TPCN2: variants seen among roughly 807,000 people sequenced by gnomAD.
TPCN2 encodes two pore channel protein 2.
Under a neutral mutation model 111.4 loss-of-function variants are expected in TPCN2, and 92 were observed. That is an observed-to-expected ratio of 0.83 (90% CI 0.70 to 0.98). The LOEUF is 0.98. Among genes scored for constraint, TPCN2 ranks in the 50% least tolerant of loss-of-function variants. TPCN2 has a pLI of 0.00. For missense variants in TPCN2, 995 were observed against 980.1 expected, an observed-to-expected ratio of 1.02 and a Z score of -0.20; for synonymous variants, 405 against 414.5, an observed-to-expected ratio of 0.98 and a Z score of 0.28.
At position 69,054,696 on chromosome 11, in the gene TPCN2, G is replaced by T. The variant is rs573189131; in HGVS notation, c.175-25G>T. 53 of 1,612,710 alleles carry T rather than the reference G, an allele frequency of 3.3e-5. No homozygotes were observed. In the East Asian group the frequency reaches 8.7e-4, roughly 26 times the overall value. ...CCCACCCTGCATGCACCCATGTCAT[G>T]CCTCATGTGACTTTTCGCTTGTAGT... On this transcript the variant is annotated intron_variant, in intron 2 of 24. Transcript: ENST00000294309.
intron 3 of TPCN2, 158 bp from the exon 4 acceptor site, chr11:69,055,017 C>T (rs890585457): frequency 2.2e-6 from 2 of 909,838 alleles, no homozygotes; most frequent in African/African-American, 1.7e-5. Context: ...CAGCCCTCGG[C>T]AATGGAGCTT....
chr11:69,078,461 G>A, intron 13 of TPCN2, 21 bp from the exon 14 acceptor site: 9 of 1,613,664 alleles, frequency 5.6e-6, no homozygotes, highest in Non-Finnish European at 5.9e-6. Flanking sequence ...GTGCTTCTGA[G>A]CACGTGTGTT....
At position 69,062,932 on chromosome 11, in the gene TPCN2, T is replaced by A. The variant is rs1191690095; in HGVS notation, c.595T>A (p.Ser199Thr). 1 of 1,613,858 alleles carries A rather than the reference T, an allele frequency of 6.2e-7. No individual in the cohort carries two copies. The highest frequency in any genetic ancestry group is 2.2e-5 in the East Asian group (1 of 44,852). The part of the protein sequence containing the change: ...LLRPFFLLQN[S>T]SMMKKTLKCI... The stretch of plus-strand genomic sequence containing the variant: ...CCGTCCCTTCTTCCTGCTGCAGAAC[T>A]CCTCTATGATGAAGAAGACCTTGAA... The change falls in exon 6 of 25, where the codon TCC (serine) becomes ACC (threonine). Residue 199 changes from serine (S) to threonine (T), a missense_variant. Physicochemically the swap from Ser to Thr is moderately conservative, Grantham distance 58. Transcript: ENST00000294309.
intron 1 of TPCN2, among the ~76,000 whole-genome samples, chr11:69,050,533 A>G (rs1438230689): frequency 6.6e-6 from 1 of 152,108 alleles, no homozygotes; most frequent in African/African-American, 2.4e-5. Context: ...GCCCGCCACC[A>G]CACTTGGCTA....
rs1474671945 is a variant in TPCN2 at position 69,049,049 on chromosome 11, G to T, written c.52G>T (p.Gly18Cys). 8.0e-7 allele frequency: 1 copy of T among 1,242,360 alleles called. No homozygotes were observed. 77.0% of individuals were successfully genotyped at this position (1,242,360 alleles called of 1,614,324 possible). ...GCCCCTGCTGGGCGGGGCCCGCGGC[G>T]GTGGCGGCGACTGGCCGGCGGGGCT... ...SEPLLGGARG[G>C]GGDWPAGLTT... Residue 18 changes from glycine (G) to cysteine (C), a missense_variant, in exon 1 of 25, where the codon GGT becomes TGT. Physicochemically the swap from Gly to Cys is radical, Grantham distance 159. Coordinates refer to ENST00000294309, the MANE Select transcript of TPCN2 (RefSeq NM_139075.4).
Position 69,070,464 on chromosome 11 carries a change from T to C in TPCN2, c.864T>C (p.Tyr288=), listed in dbSNP as rs1444244767. 7 of 1,611,342 alleles carry C rather than the reference T, an allele frequency of 4.3e-6. No homozygotes were observed. Among genetic ancestry groups the C allele is most frequent in the Admixed American group, 1.7e-5 (1 of 59,498 alleles). The change falls in exon 9 of 25, where the codon TAT becomes TAC. Residue 288 remains tyrosine, a synonymous_variant. Transcript: ENST00000294309. ...MIPAYSKNRA[Y]AIFFIVFTVI... Reference sequence around the variant, plus strand: ...CTGCGTATTCCAAGAACCGGGCCTATGCCATCTTCTTCATAGTCTTCACTG... The same window carrying C: ...CTGCGTATTCCAAGAACCGGGCCTACGCCATCTTCTTCATAGTCTTCACTG...
At chr11:69,076,864 A>ATGTCCCTCCACTTGCCCTCCTGCCCTCC (rs1855787397) in intron 13 of TPCN2, among the ~76,000 whole-genome samples, 1 of 12,706 alleles carries the variant, frequency 7.9e-5, no homozygotes, top group East Asian at 2.6e-3. Flanking sequence ...TCCTGCCCTC[A>ATGTCCCTCCACTTGCCCTCCTGCCCTCC]TGCCATGTCC....
Position 69,085,735 on chromosome 11 carries a change from A to G in TPCN2, c.1903A>G (p.Asn635Asp). The change falls in exon 21 of 25, where the codon AAC becomes GAC. Residue 635 changes from asparagine (N) to aspartate (D), a missense_variant. Transcript: ENST00000294309. ...CGAGCAGCTGGAGTACTGGGCCAAC[A>G]ACTTCGATGACTTTGCGGTGAGCCC... ...SFEQLEYWANNFDDFAAALVT... is the reference protein window; with the variant it reads ...SFEQLEYWANDFDDFAAALVT... 6.2e-7 allele frequency: 1 copy of G among 1,614,030 alleles called. No individual in the cohort carries two copies. Among genetic ancestry groups the G allele is most frequent in the Non-Finnish European group, 8.5e-7 (1 of 1,179,976 alleles).
Position 69,087,980 on chromosome 11 carries a change from C to A in TPCN2, c.*27C>A. The A allele has an allele frequency of 6.3e-7, 1 of 1,589,300 alleles. No homozygotes were observed. The highest frequency in any genetic ancestry group is 8.6e-7 in the Non-Finnish European group (1 of 1,168,858). Reference sequence around the variant, plus strand: ...GTCCGGGCTGCCGTCCCAGCAGGGGCGGCAGGAGAGAGAGGCTGGCCTACA... The same window carrying A: ...GTCCGGGCTGCCGTCCCAGCAGGGGAGGCAGGAGAGAGAGGCTGGCCTACA... On this transcript the variant is annotated 3_prime_UTR_variant, in exon 25 of 25. Transcript: ENST00000294309.
Position 69,084,050 on chromosome 11 carries a change from G to A in TPCN2, c.1761+34G>A, listed in dbSNP as rs200811368. The stretch of plus-strand genomic sequence containing the variant: ...CAGGCTGCTGCTGGTGGCGGGTTAT[G>A]CACTGGAGTGGGAGGCTGGGAGGCT... On this transcript the variant is annotated intron_variant, in intron 19 of 24. Transcript: ENST00000294309. 9.5e-4 allele frequency: 1,521 copies of A among 1,606,052 alleles called. 7 individuals are homozygous for A. Among genetic ancestry groups the A allele is most frequent in the Non-Finnish European group, 9.5e-4 (1,118 of 1,172,666 alleles).
At chr11:69,053,875 T>C (rs1002970153) in intron 1 of TPCN2, among the ~76,000 whole-genome samples, 158 bp from the exon 2 acceptor site, 1 of 152,198 alleles carries the variant, frequency 6.6e-6, no homozygotes, top group African/African-American at 2.4e-5. Flanking sequence ...GTCCCTGCCC[T>C]GGGCAGGTAC....
At chr11:69,086,677 C>A in intron 23 of TPCN2, 73 bp downstream of exon 23, 1 of 1,465,166 alleles carries the variant, frequency 6.8e-7, no homozygotes, top group Non-Finnish European at 9.6e-7. Flanking sequence ...GGCCTGAGGC[C>A]ACCGGCCGGG....
At chr11:69,060,947 C>T (rs1162556322) in intron 5 of TPCN2, among the ~76,000 whole-genome samples, 1 of 152,252 alleles carries the variant, frequency 6.6e-6, no homozygotes. Context: ...CCTTCTCAGT[C>T]CTGCGCCAGG....
intron 13 of TPCN2, among the ~76,000 whole-genome samples, chr11:69,076,654 TGTCCCTCCACCTGCCCTCCTGCC>T (rs1855769408): frequency 9.5e-6 from 1 of 105,060 alleles, no homozygotes; most frequent in African/African-American, 3.9e-5. Flanking sequence ...CCTCCTGCCG[TGTCCCTCCACCTGCCCTCCTGCC>T]GTGTCCCTCC....
chr11:69,077,406 C>G (rs751362591), intron 13 of TPCN2, among the ~76,000 whole-genome samples: 1 of 151,942 alleles, frequency 6.6e-6, no homozygotes, highest in African/African-American at 2.4e-5. Context: ...CCCTCCAGCC[C>G]CTCCGCTAAG....
chr11:69,057,046 A>C (rs10896399), intron 4 of TPCN2, among the ~76,000 whole-genome samples: 131,576 of 151,598 alleles, frequency 0.87, 58,667 homozygotes, highest in Non-Finnish European at 0.99. Context: ...CCATGTTGGC[A>C]AGGCTGGTCT....
In TPCN2 at chr11:69,079,028, A is replaced by G. The variant is rs1181210163; in HGVS notation, c.1539+8A>G. ...CTCACCGTTGTCCTGCTGGTAAAGTAGGCGCATCCGAGGCCGGCCTCTACT... is the reference window on the plus strand; with the variant it reads ...CTCACCGTTGTCCTGCTGGTAAAGTGGGCGCATCCGAGGCCGGCCTCTACT... On this transcript the variant is annotated splice_region_variant and intron_variant, in intron 16 of 24. Transcript: ENST00000294309. 6.2e-7 allele frequency: 1 copy of G among 1,604,762 alleles called. No homozygotes were observed. The highest frequency in any genetic ancestry group is 1.7e-5 in the Admixed American group (1 of 59,436).
intron 10 of TPCN2, 24 bp from the exon 11 acceptor site, chr11:69,071,899 C>T (rs770716434): frequency 6.2e-6 from 10 of 1,607,388 alleles, no homozygotes; most frequent in East Asian, 2.2e-5. Context: ...CTGATCCTGC[C>T]GTTCATAGCC....
chr11:69,078,632 G>A (rs748951992), intron 14 of TPCN2, 31 bp downstream of exon 14: 38 of 1,613,460 alleles, frequency 2.4e-5, no homozygotes, highest in African/African-American at 5.3e-5. Context: ...GAGCTGGCAC[G>A]GAAGTGCCGG....
Sources: gnomAD v4.1 joint callset for allele counts (sites outside exome capture counted in the v4.1 genomes callset) on GRCh38, gnomAD v4.1.1 for gene constraint, MANE v1.5 for transcripts, NCBI Gene and HGNC (gene_info 2026-07-23, HGNC 2026-07-21) for gene names.